The following DPP10 variants were observed in gnomAD, a reference collection of about 807,000 sequenced individuals.
DPP10 encodes dipeptidyl peptidase like 10.
In DPP10, 33 loss-of-function variants were observed where a neutral mutation model predicts 120.9. That is an observed-to-expected ratio of 0.27 (90% CI 0.21 to 0.37). The LOEUF is 0.37. Among genes scored for constraint, DPP10 ranks in the 10% least tolerant of loss-of-function variants. The pLI is 1.00. For missense variants in DPP10, 816 were observed against 942.8 expected, an observed-to-expected ratio of 0.87 and a Z score of 1.76; for synonymous variants, 337 against 326.1, an observed-to-expected ratio of 1.03 and a Z score of -0.36.
chr2:115,768,446 C>T, intron 13 of DPP10, 42 bp downstream of exon 13: 1 of 1,567,310 alleles, frequency 6.4e-7, no homozygotes, highest in Non-Finnish European at 8.8e-7. Context: ...TCATTGTCCT[C>T]ATGTCCCCGA....
At chr2:114,630,831 C>T (rs546873000) in intron 1 of DPP10, among the ~76,000 whole-genome samples, 8 of 152,100 alleles carry the variant, frequency 5.3e-5, no homozygotes, top group African/African-American at 1.4e-4. Context: ...CCCTTCTGGT[C>T]CCCACCCCTC....
At chr2:115,544,694 G>C (rs75710597) in intron 5 of DPP10, among the ~76,000 whole-genome samples, 1 of 152,110 alleles carries the variant, frequency 6.6e-6, no homozygotes, top group East Asian at 1.9e-4. Context: ...TTAGACTGGT[G>C]TCACTCGCTG....
chr2:114,780,507 A>G (rs1395465098), intron 1 of DPP10, among the ~76,000 whole-genome samples: 1 of 152,130 alleles, frequency 6.6e-6, no homozygotes, highest in Non-Finnish European at 1.5e-5. Context: ...ATAGCTGTGA[A>G]CAATGTGTTT....
intron 1 of DPP10, among the ~76,000 whole-genome samples, chr2:115,155,790 A>T (rs963871514): frequency 6.6e-6 from 1 of 152,176 alleles, no homozygotes; most frequent in African/African-American, 2.4e-5. Flanking sequence ...GATTTATGGT[A>T]TTTCATTTCA....
chr2:115,345,203 C>T (rs1712010), intron 3 of DPP10, among the ~76,000 whole-genome samples: 2,687 of 152,140 alleles, frequency 0.018, 81 homozygotes, highest in African/African-American at 0.061. Flanking sequence ...GATGATATTA[C>T]GGATAAAGAA....
At chr2:114,884,177 G>A (rs980765807) in intron 1 of DPP10, among the ~76,000 whole-genome samples, 1 of 152,166 alleles carries the variant, frequency 6.6e-6, no homozygotes, top group African/African-American at 2.4e-5. Context: ...AGCACTAGGT[G>A]ATGGCAAGAA....
chr2:114,843,889 T>C (rs1403546031), intron 1 of DPP10, among the ~76,000 whole-genome samples: 4 of 152,148 alleles, frequency 2.6e-5, no homozygotes, highest in African/African-American at 9.7e-5. Flanking sequence ...ATTTCATAAA[T>C]TTGTTGTTCT....
At position 114,458,060 on chromosome 2, in the gene DPP10, A is replaced by G. The variant is rs1269993320; in HGVS notation, c.60+15222A>G. 2.0e-5 allele frequency among the ~76,000 whole-genome samples: 3 copies of G among 152,192 alleles called. No individual in the cohort carries two copies. The East Asian group carries it at 5.8e-4, about 29-fold the overall frequency. ...GGGTAAATCTGAAAATCAACAAGGT[A>G]GAAAGATACAGAGACTGACTCAAAA... On this transcript the variant is annotated intron_variant, in intron 1 of 25. Transcript: ENST00000410059.
chr2:115,781,430 C>T (rs1041865630), intron 16 of DPP10, among the ~76,000 whole-genome samples: 2 of 151,844 alleles, frequency 1.3e-5, no homozygotes, highest in African/African-American at 4.8e-5. Flanking sequence ...CTTCAGAGTT[C>T]TTCAGTTCTG....
At chr2:115,755,642 C>T (rs1056458164) in intron 11 of DPP10, among the ~76,000 whole-genome samples, 1 of 151,854 alleles carries the variant, frequency 6.6e-6, no homozygotes, top group African/African-American at 2.4e-5. Context: ...GCACAGACAA[C>T]AAAAAGAAAT....
intron 1 of DPP10, among the ~76,000 whole-genome samples, chr2:115,058,370 A>G (rs909406015): frequency 1.3e-5 from 2 of 151,502 alleles, no homozygotes; most frequent in African/African-American, 4.8e-5. Context: ...CATGGAGACC[A>G]GAAAAAACCA....
At chr2:115,033,080 G>A (rs952570713) in intron 1 of DPP10, among the ~76,000 whole-genome samples, 1 of 152,110 alleles carries the variant, frequency 6.6e-6, no homozygotes, top group African/African-American at 2.4e-5. Flanking sequence ...CCAGCAGTCA[G>A]GTGATCTGTT....
chr2:115,026,042 T>C (rs986871806), intron 1 of DPP10, among the ~76,000 whole-genome samples: 1 of 152,146 alleles, frequency 6.6e-6, no homozygotes. Flanking sequence ...CCCATTTGTT[T>C]ATTTTTGCTT....
chr2:114,978,843 G>A (rs1558947767), intron 1 of DPP10, among the ~76,000 whole-genome samples: 1 of 152,112 alleles, frequency 6.6e-6, no homozygotes, highest in Non-Finnish European at 1.5e-5. Flanking sequence ...TTTATGTCAT[G>A]CATGCTTGTT....
intron 1 of DPP10, among the ~76,000 whole-genome samples, chr2:115,094,413 C>A (rs567628031): frequency 2.6e-5 from 4 of 152,116 alleles, no homozygotes; most frequent in East Asian, 1.9e-4. Context: ...TTCTTACCTT[C>A]GGCAAACTTT....
chr2:115,716,775 T>TTTTTTTTTTTTTTTTGAGACG (rs1484365272), intron 7 of DPP10, among the ~76,000 whole-genome samples: 1 of 152,088 alleles, frequency 6.6e-6, no homozygotes, highest in African/African-American at 2.4e-5. Flanking sequence ...TGAAATTTTA[T>TTTTTTTTTTTTTTTTGAGACG]GAAGTAGTAT....
intron 5 of DPP10, among the ~76,000 whole-genome samples, chr2:115,568,587 G>A (rs541494743): frequency 5.6e-5 from 8 of 142,982 alleles, no homozygotes; most frequent in African/African-American, 2.1e-4. Flanking sequence ...TTCATTTTTT[G>A]TCTATTTTTG....
chr2:115,763,709 T>A lies in DPP10; in HGVS notation c.1113+1099T>A, dbSNP rs757617262. ...CACACTGCAGGCTAACTGAGTGACC[T>A]TTTTAAAATATGCATTTAATTGTTG... On this transcript the variant is annotated intron_variant, in intron 12 of 25. Transcript: ENST00000410059. 9.1e-4 allele frequency among the ~76,000 whole-genome samples: 138 copies of A among 152,162 alleles called. 1 individual carries two copies. Among genetic ancestry groups the A allele is most frequent in the Non-Finnish European group, 2.2e-4 (15 of 68,030 alleles).
At chr2:114,872,960 A>G (rs1264399860) in intron 1 of DPP10, among the ~76,000 whole-genome samples, 2 of 152,230 alleles carry the variant, frequency 1.3e-5, no homozygotes, top group African/African-American at 4.8e-5. Flanking sequence ...TATCCAACAA[A>G]GCTGTGAACT....
Sources: gnomAD v4.1 joint callset for allele counts (sites outside exome capture counted in the v4.1 genomes callset) on GRCh38, gnomAD v4.1.1 for gene constraint, MANE v1.5 for transcripts, NCBI Gene and HGNC (gene_info 2026-07-23, HGNC 2026-07-21) for gene names.